TMEM143: variants seen among roughly 807,000 people sequenced by gnomAD.
TMEM143 encodes transmembrane protein 143.
Under a neutral mutation model 40.3 loss-of-function variants are expected in TMEM143, and 45 were observed. The observed-to-expected ratio is 1.12, with a 90% CI of 0.88 to 1.43. The LOEUF (loss-of-function observed/expected upper bound fraction) is 1.43. Among genes scored for constraint, TMEM143 ranks in the 40% most tolerant of loss-of-function variants. The pLI is 0.00. For synonymous variants in TMEM143, 299 were observed against 282.7 expected (o/e 1.06, Z -0.58); for missense variants, 620 against 613.4 (o/e 1.01, Z -0.11).
At chr19:48,345,510 G>A (rs1969604838) in intron 3 of TMEM143, among the ~76,000 whole-genome samples, 156 bp from the exon 4 acceptor site, 2 of 151,686 alleles carry the variant, frequency 1.3e-5, no homozygotes, top group East Asian at 3.9e-4. Context: ...CCAGGCTGGA[G>A]TGCAGTGTCA....
rs1210351921 is a variant in TMEM143 at position 48,334,015 on chromosome 19, C to G, written c.1158G>C (p.Ser386=). Residue 386 remains serine (S), a synonymous_variant, in exon 7 of 8, where the codon TCG becomes TCC. Coordinates refer to ENST00000293261, the MANE Select transcript of TMEM143 (RefSeq NM_018273.4). The part of the protein sequence containing the change: ...LARRPGGTQG[S]PEETSRWLRS... ...CCCAGGGCCACGTCCTACCTTCGGG[C>G]GAGCCTTGAGTGCCCCCTGGCCGCC... is the stretch of plus-strand genomic sequence containing the variant. The G allele has an allele frequency of 1.9e-6, 3 of 1,548,476 alleles. No homozygotes were observed. Among genetic ancestry groups the G allele is most frequent in the Non-Finnish European group, 2.6e-6 (3 of 1,149,844 alleles).
chr19:48,339,595 G>A (rs1395827909), intron 6 of TMEM143, among the ~76,000 whole-genome samples: 1 of 152,172 alleles, frequency 6.6e-6, no homozygotes, highest in Non-Finnish European at 1.5e-5. Context: ...GGTGTGTCCA[G>A]GGAACAGGAG....
chr19:48,334,269 C>G, intron 6 of TMEM143, 72 bp from the exon 7 acceptor site: 1 of 1,464,796 alleles, frequency 6.8e-7, no homozygotes, highest in Non-Finnish European at 9.1e-7. Context: ...CCCGGGGTCA[C>G]CCCCGCTGGC....
At position 48,363,364 on chromosome 19, in the gene TMEM143, C is replaced by CG; in HGVS notation, c.190dup (p.Arg64ProfsTer64). ...CTCGCGGTACTGCTGGGCCCAGTCG[C>CG]GGGGCTCCCTGGGGTTCCACATCTT... On this transcript the variant is annotated frameshift_variant, in exon 2 of 8. Coordinates refer to ENST00000293261, the MANE Select transcript of TMEM143 (RefSeq NM_018273.4). LOFTEE classifies it high-confidence loss of function. 6.2e-7 allele frequency: 1 copy of CG among 1,614,164 alleles called. No individual in the cohort carries two copies.
intron 3 of TMEM143, among the ~76,000 whole-genome samples, chr19:48,348,298 A>C (rs979623664): frequency 1.3e-5 from 2 of 152,110 alleles, no homozygotes; most frequent in Non-Finnish European, 2.9e-5. Flanking sequence ...TGGACATTGC[A>C]CGTGATCCCT....
rs187843571 is a variant in TMEM143 at position 48,343,018 on chromosome 19, A to G, written c.696-209T>C. ...CATCGATCCCTGGTATTGGACGTGC[A>G]GATTGTTTGTTGGAATCCTGGCCGT... is the stretch of plus-strand genomic sequence containing the variant. On this transcript the variant is annotated intron_variant, in intron 5 of 7. Coordinates refer to ENST00000293261, the MANE Select transcript of TMEM143 (RefSeq NM_018273.4). 592 of 700,500 alleles carry G rather than the reference A, an allele frequency of 8.5e-4. 3 individuals carry two copies. In the African/African-American group the frequency reaches 9.4e-3, roughly 11 times the overall value. 43.4% of individuals were successfully genotyped at this position (700,500 alleles called of 1,614,324 possible).
rs1355525819 is a variant in TMEM143 at position 48,333,497 on chromosome 19, C to T, written c.1166-64G>A. The T allele has an allele frequency of 8.6e-7, 1 of 1,162,072 alleles. No individual in the cohort carries two copies. The highest frequency in any genetic ancestry group is 1.5e-5 in the African/African-American group (1 of 65,814). 72.0% of individuals were successfully genotyped at this position (1,162,072 alleles called of 1,614,324 possible). A position where few individuals can be genotyped will look rare whatever the true frequency, so the allele number is the denominator to read the frequency against. ...GATCGGGGAAGATTCGAGGGAGCAG[C>T]AAGGAGGGGCGTAGGGCAAAGAACA... On this transcript the variant is annotated intron_variant, in intron 7 of 7. Transcript: ENST00000293261. This position sits in a 1 kb window ranked among gnomAD's most constrained non-coding sequence, Gnocchi z 4.1.
chr19:48,335,522 C>T (rs542168873), intron 6 of TMEM143, among the ~76,000 whole-genome samples: 2 of 152,180 alleles, frequency 1.3e-5, no homozygotes, highest in African/African-American at 2.4e-5. Flanking sequence ...GTTGGAAGTT[C>T]GAGACCAGCC....
chr19:48,334,563 C>T (rs574940079), intron 6 of TMEM143, among the ~76,000 whole-genome samples: 2 of 129,118 alleles, frequency 1.5e-5, no homozygotes, highest in South Asian at 2.4e-4. Context: ...TTCTTCCTTC[C>T]TTCCTTTCTT....
At chr19:48,342,409 G>GAA (rs74207886) in intron 6 of TMEM143, 121 bp downstream of exon 6, 2 of 1,203,868 alleles carry the variant, frequency 1.7e-6, no homozygotes, top group African/African-American at 1.5e-5. Flanking sequence ...AGGAAGGAAG[G>GAA]GAGGGAGGGA....
intron 6 of TMEM143, among the ~76,000 whole-genome samples, chr19:48,337,794 GCA>G (rs1171515647): frequency 2.0e-5 from 3 of 152,178 alleles, no homozygotes; most frequent in Non-Finnish European, 4.4e-5. Context: ...CACCAGGCCA[GCA>G]CAGTCAGTTT....
chr19:48,357,300 C>T (rs1969926890), intron 3 of TMEM143, among the ~76,000 whole-genome samples: 1 of 151,010 alleles, frequency 6.6e-6, no homozygotes, highest in African/African-American at 2.4e-5. Context: ...AGTTTCTCAG[C>T]CCAGACCTCT....
chr19:48,345,068 G>A (rs1969589008), intron 4 of TMEM143, 92 bp downstream of exon 4: 8 of 1,394,256 alleles, frequency 5.7e-6, no homozygotes, highest in Non-Finnish European at 2.9e-6. Context: ...CCCAGGCTCA[G>A]GACTACAACT....
chr19:48,342,743 GA>G lies in TMEM143; in HGVS notation c.761del (p.Phe254SerfsTer16). 6.2e-7 allele frequency: 1 copy of G among 1,614,060 alleles called. No individual in the cohort carries two copies. Among genetic ancestry groups the G allele is most frequent in the East Asian group, 2.2e-5 (1 of 44,876 alleles). On this transcript the variant is annotated frameshift_variant, in exon 6 of 8. Transcript: ENST00000293261. LOFTEE classifies it high-confidence loss of function. Reference sequence around the variant, plus strand: ...CCAGGCCTTCCAGCGGCGTGTCCTTGAAACTCTTCAGTACCAGGTGTCCCCG... The same window carrying G: ...CCAGGCCTTCCAGCGGCGTGTCCTTGAACTCTTCAGTACCAGGTGTCCCCG... ...TKRGHLVLKS[F>X]KDTPLEGLEQ...
rs1434999759 is a variant in TMEM143 at position 48,360,348 on chromosome 19, G to A, written c.265-172C>T. On this transcript the variant is annotated intron_variant, in intron 2 of 7. Transcript: ENST00000293261. ...AATCCCAGCACTTTGGGAGGCCGAG[G>A]CAGTGGATCACTTGAAGTCAGGAGT... The A allele has an allele frequency of 1.0e-5, 6 of 601,492 alleles. No individual in the cohort carries two copies. In the East Asian group the frequency reaches 1.3e-4, roughly 13 times the overall value. 37.3% of individuals were successfully genotyped at this position (601,492 alleles called of 1,614,324 possible).
At chr19:48,348,044 A>G (rs1322658127) in intron 3 of TMEM143, among the ~76,000 whole-genome samples, 2 of 151,344 alleles carry the variant, frequency 1.3e-5, no homozygotes, top group Non-Finnish European at 2.9e-5. Context: ...AAAAAAAGAA[A>G]AAGAGAAAGA....
At chr19:48,354,736 A>T (rs1466055385) in intron 3 of TMEM143, among the ~76,000 whole-genome samples, 2 of 152,172 alleles carry the variant, frequency 1.3e-5, no homozygotes, top group Non-Finnish European at 2.9e-5. Context: ...AATCAGCGAA[A>T]AAAGATCAGA....
chr19:48,338,538 T>A (rs1298630297), intron 6 of TMEM143, among the ~76,000 whole-genome samples: 1 of 152,192 alleles, frequency 6.6e-6, no homozygotes, highest in Non-Finnish European at 1.5e-5. Context: ...CCACCCCTGG[T>A]GTGTTCTTGG....
chr19:48,349,372 G>A (rs1019218474), intron 3 of TMEM143, among the ~76,000 whole-genome samples: 2 of 152,176 alleles, frequency 1.3e-5, no homozygotes, highest in Non-Finnish European at 2.9e-5. Flanking sequence ...GACAGGGGCA[G>A]TGGCTCACGC....
Sources: allele counts gnomAD v4.1 joint callset (sites outside exome capture counted in the v4.1 genomes callset), GRCh38; gene constraint gnomAD v4.1.1; non-coding constraint Gnocchi (gnomAD v3.1); transcripts MANE v1.5; gene names NCBI Gene and HGNC (gene_info 2026-07-23, HGNC 2026-07-21).